Variants in UBXN2A observed in about 807,000 individuals in gnomAD.
The protein encoded by UBXN2A is UBX domain-containing protein 2A.
UBXN2A carries 28 observed loss-of-function variants against 28.4 expected under a neutral mutation model. That is an observed-to-expected ratio of 0.99 (90% CI 0.73 to 1.35). UBXN2A has a LOEUF of 1.35. UBXN2A is among the 40% of genes most tolerant of loss of function. The pLI, the probability that UBXN2A is intolerant of heterozygous loss-of-function variation, is 0.00. For missense variants in UBXN2A, 253 were observed against 297.9 expected, an observed-to-expected ratio of 0.85 and a Z score of 1.11; for synonymous variants, 97 against 103.6, an observed-to-expected ratio of 0.94 and a Z score of 0.39.
At chr2:23,939,183 G>A (rs530620203), upstream of UBXN2A, among the ~76,000 whole-genome samples, 5 of 152,292 alleles carry the variant, frequency 3.3e-5, no homozygotes, top group African/African-American at 1.2e-4. Context: ...TGCAATAAGG[G>A]TGGAGAACTA....
At chr2:23,968,052 C>T (rs1315844573) in intron 2 of UBXN2A, among the ~76,000 whole-genome samples, 1 of 151,980 alleles carries the variant, frequency 6.6e-6, no homozygotes, top group Admixed American at 6.6e-5. Context: ...GGCCTCAAGT[C>T]ACTCCTCAAG....
At chr2:23,936,677 T>C (rs1705539299), upstream of UBXN2A, among the ~76,000 whole-genome samples, 1 of 152,156 alleles carries the variant, frequency 6.6e-6, no homozygotes, top group African/African-American at 2.4e-5. Context: ...GACTGAAAGC[T>C]TTTTGTCTAA....
intron 1 of UBXN2A, among the ~76,000 whole-genome samples, chr2:23,933,656 A>C (rs955918792): frequency 6.6e-6 from 1 of 152,158 alleles, no homozygotes; most frequent in Non-Finnish European, 1.5e-5. Flanking sequence ...CAGGAGTTTG[A>C]GGCTGTAGTG....
At chr2:23,941,487 A>C (rs567175522) in intron 1 of UBXN2A, among the ~76,000 whole-genome samples, 1 of 152,332 alleles carries the variant, frequency 6.6e-6, no homozygotes, top group South Asian at 2.1e-4. Context: ...ATGTGTAAAA[A>C]ATGTGTGCAG....
chr2:23,966,971 C>A (rs1288080865), intron 2 of UBXN2A, among the ~76,000 whole-genome samples: 2 of 151,734 alleles, frequency 1.3e-5, no homozygotes, highest in East Asian at 3.9e-4. Flanking sequence ...GTTGCCCAGG[C>A]TGGTCTCCAA....
chr2:23,944,277 A>T, intron 1 of UBXN2A: 1 of 1,604,988 alleles, frequency 6.2e-7, no homozygotes, highest in Non-Finnish European at 8.5e-7. Context: ...AGGCCTGAAG[A>T]TTCCCCAGCT....
At chr2:23,946,755 CTA>C (rs1432545060) in intron 1 of UBXN2A, among the ~76,000 whole-genome samples, 1 of 152,038 alleles carries the variant, frequency 6.6e-6, no homozygotes, top group Non-Finnish European at 1.5e-5. Flanking sequence ...GCACCCAGCC[CTA>C]TTTAATTCTT....
At chr2:23,979,334 G>A (rs1191657111) in intron 4 of UBXN2A, among the ~76,000 whole-genome samples, 1 of 151,480 alleles carries the variant, frequency 6.6e-6, no homozygotes, top group Non-Finnish European at 1.5e-5. Flanking sequence ...GACAGAGCGA[G>A]ACTCTGTCTC....
intron 6 of UBXN2A, among the ~76,000 whole-genome samples, chr2:23,987,792 CA>C (rs1481501752): frequency 2.5e-5 from 3 of 120,428 alleles, no homozygotes; most frequent in Non-Finnish European, 3.6e-5. Context: ...AAAAAAAAAA[CA>C]AAAAAAACTT....
At chr2:23,984,964 C>A in intron 6 of UBXN2A, 133 bp downstream of exon 6, 1 of 907,438 alleles carries the variant, frequency 1.1e-6, no homozygotes, top group Non-Finnish European at 1.5e-6. Flanking sequence ...TGCAGTGGCA[C>A]AGTCATAGCT....
intron 1 of UBXN2A, among the ~76,000 whole-genome samples, chr2:23,948,433 A>T (rs1346458122): frequency 1.3e-5 from 2 of 151,302 alleles, no homozygotes; most frequent in Non-Finnish European, 2.9e-5. Context: ...TTGTGTTTTT[A>T]GTAGAGACAG....
At chr2:23,936,409 A>G (rs1705528523), upstream of UBXN2A, among the ~76,000 whole-genome samples, 1 of 152,118 alleles carries the variant, frequency 6.6e-6, no homozygotes, top group African/African-American at 2.4e-5. Context: ...GCAAATTCAT[A>G]GAGACAGAAA....
At chr2:23,966,750 CT>C (rs70944704) in intron 2 of UBXN2A, among the ~76,000 whole-genome samples, 31,358 of 76,712 alleles carry the variant, frequency 0.41, 5,575 homozygotes, top group East Asian at 0.63. Context: ...CGCGCCCGGC[CT>C]TTTTTTTTTT....
Position 24,003,518 on chromosome 2 carries a change from A to C in UBXN2A, c.*3651A>C, listed in dbSNP as rs1708753699. 6.6e-6 allele frequency: 1 copy of C among 152,186 alleles called. No homozygotes were observed. The highest frequency in any genetic ancestry group is 1.5e-5 in the Non-Finnish European group (1 of 68,030). 9.4% of individuals were successfully genotyped at this position (152,186 alleles called of 1,614,324 possible). On this transcript the variant is annotated 3_prime_UTR_variant, in exon 7 of 7. Coordinates refer to ENST00000309033, the MANE Select transcript of UBXN2A (RefSeq NM_181713.4). ...CTTCTGATTGCAGTCTATTGTGAGA[A>C]TGCTGCTTTTCCTAGCTCCCAGCCT...
At chr2:23,951,409 G>GATGGAT (rs1706351444) in intron 1 of UBXN2A, among the ~76,000 whole-genome samples, 2 of 109,332 alleles carry the variant, frequency 1.8e-5, no homozygotes, top group Non-Finnish European at 3.7e-5. Flanking sequence ...TATACAGTAA[G>GATGGAT]ATGGATATAT....
Position 23,977,079 on chromosome 2 carries a change from A to G in UBXN2A, c.287+4A>G. On this transcript the variant is annotated splice_donor_region_variant and intron_variant, in intron 4 of 6. Transcript: ENST00000309033. ...TTTTGAACTCCATCAAAAAGGGGTG[A>G]GTAGCCAGGTGTGGTAGGTCAAGCC... 4 of 1,609,876 alleles carry G rather than the reference A, an allele frequency of 2.5e-6. No homozygotes were observed. Among genetic ancestry groups the G allele is most frequent in the Non-Finnish European group, 3.4e-6 (4 of 1,176,692 alleles).
intron 4 of UBXN2A, among the ~76,000 whole-genome samples, chr2:23,979,265 A>T (rs1363846837): frequency 6.6e-6 from 1 of 152,030 alleles, no homozygotes; most frequent in Non-Finnish European, 1.5e-5. Flanking sequence ...GAATTGCTTG[A>T]ACCCAGGAGG....
At chr2:23,980,978 C>G (rs780265679) in intron 4 of UBXN2A, among the ~76,000 whole-genome samples, 4 of 151,960 alleles carry the variant, frequency 2.6e-5, no homozygotes, top group Non-Finnish European at 4.4e-5. Context: ...TGTAAGAATT[C>G]TTCATTTTTT....
At position 24,000,837 on chromosome 2, in the gene UBXN2A, T is replaced by C. The variant is rs1485884886; in HGVS notation, c.*970T>C. On this transcript the variant is annotated 3_prime_UTR_variant, in exon 7 of 7. Transcript: ENST00000309033. ...TTATCTTTCTAAAAAGCCTATTCCCTTTCCATTTTATTTTCTTTCAAAAAT... is the reference window on the plus strand; with the variant it reads ...TTATCTTTCTAAAAAGCCTATTCCCCTTCCATTTTATTTTCTTTCAAAAAT... The C allele has an allele frequency of 6.6e-6, 1 of 152,248 alleles. No homozygotes were observed. The highest frequency in any genetic ancestry group is 1.5e-5 in the Non-Finnish European group (1 of 68,048). 9.4% of individuals were successfully genotyped at this position (152,248 alleles called of 1,614,324 possible). A position where few individuals can be genotyped will look rare whatever the true frequency, so the allele number is the denominator to read the frequency against.
Sources: allele counts gnomAD v4.1 joint callset (sites outside exome capture counted in the v4.1 genomes callset), GRCh38; gene constraint gnomAD v4.1.1; transcripts MANE v1.5; gene names NCBI Gene and HGNC (gene_info 2026-07-23, HGNC 2026-07-21).